The following AGBL4 variants were observed in gnomAD, a reference collection of about 807,000 sequenced individuals.
AGBL4 encodes cytosolic carboxypeptidase 6.
AGBL4 carries 58 observed loss-of-function variants against 66.4 expected under a neutral mutation model. That is an observed-to-expected ratio of 0.87 (90% confidence interval 0.71 to 1.09). The LOEUF is 1.09. Among genes scored for constraint, AGBL4 ranks in the 50% least tolerant of loss-of-function variants. AGBL4 has a pLI of 0.00. For synonymous variants in AGBL4, 234 were observed against 222.9 expected (o/e 1.05, Z -0.44); for missense variants, 579 against 631.0 (o/e 0.92, Z 0.88).
chr1:48,964,556 T>G (rs1658266637), intron 5 of AGBL4, among the ~76,000 whole-genome samples: 1 of 152,230 alleles, frequency 6.6e-6, no homozygotes, highest in Admixed American at 6.5e-5. Context: ...TGCAAATCTT[T>G]GCTCATCTTC....
intron 3 of AGBL4, among the ~76,000 whole-genome samples, chr1:49,387,463 G>A (rs1292056715): frequency 6.6e-6 from 1 of 151,504 alleles, no homozygotes; most frequent in Non-Finnish European, 1.5e-5. Flanking sequence ...AACAGACCGG[G>A]AAATGAATCA....
intron 6 of AGBL4, among the ~76,000 whole-genome samples, chr1:48,703,076 C>G (rs1455350051): frequency 6.6e-6 from 1 of 152,068 alleles, no homozygotes; most frequent in East Asian, 1.9e-4. Flanking sequence ...AAAAATGGGC[C>G]TTTAAAGAGA....
intron 3 of AGBL4, among the ~76,000 whole-genome samples, chr1:49,354,310 T>A (rs1367524838): frequency 6.6e-6 from 1 of 152,246 alleles, no homozygotes; most frequent in Non-Finnish European, 1.5e-5. Flanking sequence ...ATAATTAGTT[T>A]TCATCTTAAT....
intron 3 of AGBL4, among the ~76,000 whole-genome samples, chr1:49,516,364 A>C (rs959426727): frequency 1.3e-5 from 2 of 152,050 alleles, no homozygotes; most frequent in African/African-American, 4.8e-5. Context: ...GAAGGTAACA[A>C]CTAAACTGAG....
chr1:49,345,134 A>G (rs908670973), intron 3 of AGBL4, among the ~76,000 whole-genome samples: 9 of 152,188 alleles, frequency 5.9e-5, no homozygotes, highest in African/African-American at 9.6e-5. Flanking sequence ...ATAAGGAAGC[A>G]TTGTCAAATA....
chr1:49,482,411 C>A (rs1016845444), intron 3 of AGBL4, among the ~76,000 whole-genome samples: 1 of 151,800 alleles, frequency 6.6e-6, no homozygotes, highest in African/African-American at 2.4e-5. Context: ...TCTAGATTAT[C>A]TAGTTTATGT....
chr1:49,882,668 C>T (rs1171069416), intron 1 of AGBL4, among the ~76,000 whole-genome samples: 1 of 152,124 alleles, frequency 6.6e-6, no homozygotes, highest in African/African-American at 2.4e-5. Context: ...TGGGAGTTCA[C>T]TCATGATTTG....
Position 48,668,494 on chromosome 1 carries a change from C to A in AGBL4, c.635-5253G>T, listed in dbSNP as rs1254622811. Reference sequence around the variant, plus strand: ...CTATCTCTCCAGTCCCTTCCACAGGCCCCAGCCCCAGCTAGCACTCCATGG... The same window carrying A: ...CTATCTCTCCAGTCCCTTCCACAGGACCCAGCCCCAGCTAGCACTCCATGG... On this transcript the variant is annotated intron_variant, in intron 6 of 13. Transcript: ENST00000371839. Among the ~76,000 whole-genome samples, 4 of 152,304 alleles carry A rather than the reference C, an allele frequency of 2.6e-5. No individual in the cohort carries two copies. The East Asian group carries it at 7.7e-4, about 29-fold the overall frequency.
chr1:48,619,840 A>G (rs1406270072), intron 9 of AGBL4, among the ~76,000 whole-genome samples: 3 of 152,100 alleles, frequency 2.0e-5, no homozygotes, highest in Admixed American at 2.0e-4. Flanking sequence ...TCAGCGTACA[A>G]ACTCCGCCTC....
At chr1:49,322,062 G>C (rs140942432) in intron 3 of AGBL4, among the ~76,000 whole-genome samples, 27 of 152,300 alleles carry the variant, frequency 1.8e-4, no homozygotes, top group African/African-American at 6.0e-4. Context: ...TTATTTAGCA[G>C]GAATAAGAAA....
chr1:49,305,266 T>C (rs968207977), intron 3 of AGBL4, among the ~76,000 whole-genome samples: 7 of 152,202 alleles, frequency 4.6e-5, no homozygotes, highest in African/African-American at 7.2e-5. Context: ...GTACATATTA[T>C]GGAAAAGGTG....
At chr1:49,744,462 T>C (rs1239347835) in intron 2 of AGBL4, among the ~76,000 whole-genome samples, 1 of 152,048 alleles carries the variant, frequency 6.6e-6, no homozygotes, top group Admixed American at 6.6e-5. Flanking sequence ...TCTTTGTAAA[T>C]TAAACAGTCT....
chr1:49,435,663 CT>C (rs1222835767), intron 3 of AGBL4, among the ~76,000 whole-genome samples: 2 of 152,096 alleles, frequency 1.3e-5, no homozygotes, highest in African/African-American at 4.8e-5. Context: ...AGGGTGCTTT[CT>C]AGGGAGAACT....
chr1:48,901,843 G>C (rs951708142), intron 5 of AGBL4, among the ~76,000 whole-genome samples: 4 of 152,090 alleles, frequency 2.6e-5, no homozygotes, highest in African/African-American at 9.7e-5. Flanking sequence ...TGGTAATAGT[G>C]TATTGATCCA....
intron 6 of AGBL4, among the ~76,000 whole-genome samples, chr1:48,849,566 A>G (rs1218030722): frequency 6.6e-6 from 1 of 152,184 alleles, no homozygotes; most frequent in Non-Finnish European, 1.5e-5. Flanking sequence ...TTTGCTTCTT[A>G]CCATCTACTC....
intron 9 of AGBL4, among the ~76,000 whole-genome samples, chr1:48,628,908 C>A (rs1224386911): frequency 6.9e-6 from 1 of 145,782 alleles, no homozygotes; most frequent in Non-Finnish European, 1.5e-5. Context: ...ACCTTCCTAA[C>A]TGCCTGGAAT....
intron 3 of AGBL4, among the ~76,000 whole-genome samples, chr1:49,361,939 G>A (rs1644145061): frequency 6.6e-6 from 1 of 152,048 alleles, no homozygotes; most frequent in African/African-American, 2.4e-5. Flanking sequence ...ATGTATAATA[G>A]GTATCTCAAA....
chr1:49,563,161 T>C (rs1383151096), intron 3 of AGBL4, among the ~76,000 whole-genome samples: 1 of 151,992 alleles, frequency 6.6e-6, no homozygotes, highest in East Asian at 1.9e-4. Flanking sequence ...ATTGATTTTG[T>C]ATCCTGAGAC....
chr1:48,771,456 G>A (rs1644827791), intron 6 of AGBL4, among the ~76,000 whole-genome samples: 1 of 152,182 alleles, frequency 6.6e-6, no homozygotes, highest in Admixed American at 6.5e-5. Context: ...GCACTCTGTA[G>A]CACATACTAT....
Sources: gnomAD v4.1 joint callset for allele counts (sites outside exome capture counted in the v4.1 genomes callset) on GRCh38, gnomAD v4.1.1 for gene constraint, MANE v1.5 for transcripts, NCBI Gene and HGNC (gene_info 2026-07-23, HGNC 2026-07-21) for gene names.